The following SLC9A2 variants were observed in gnomAD, a reference collection of about 807,000 sequenced individuals.
SLC9A2 encodes the protein solute carrier family 9 member A2.
Under a neutral mutation model 71.7 loss-of-function variants are expected in SLC9A2, and 42 were observed. That is an observed-to-expected ratio of 0.59 (90% CI 0.46 to 0.76). The LOEUF is 0.76. SLC9A2 is among the 30% of genes least tolerant of loss of function. The pLI, the probability that SLC9A2 is intolerant of heterozygous loss-of-function variation, is 0.00. For missense variants in SLC9A2, 829 were observed against 1,017.4 expected, an observed-to-expected ratio of 0.81 and a Z score of 2.52; for synonymous variants, 396 against 392.5, an observed-to-expected ratio of 1.01 and a Z score of -0.10.
intron 1 of SLC9A2, among the ~76,000 whole-genome samples, chr2:102,637,581 C>G (rs886236624): frequency 1.3e-5 from 2 of 152,112 alleles, no homozygotes; most frequent in East Asian, 3.9e-4. Context: ...GATTCAGCTG[C>G]CTCCAGTGAA....
rs1676188028 is a variant in SLC9A2 at position 102,623,676 on chromosome 2, C to T, written c.289+3539C>T. 3.3e-5 allele frequency among the ~76,000 whole-genome samples: 5 copies of T among 152,152 alleles called. No homozygotes were observed. In the South Asian group the frequency reaches 1.0e-3, roughly 32 times the overall value. ...TTGAGCTGTGCAGGTGGATATGATA[C>T]TGTGGGGTAATGCAAATGCTAACCC... On this transcript the variant is annotated intron_variant, in intron 1 of 11. Coordinates refer to ENST00000233969, the MANE Select transcript of SLC9A2 (RefSeq NM_003048.6).
intron 3 of SLC9A2, among the ~76,000 whole-genome samples, chr2:102,674,838 C>G (rs554241275): frequency 6.6e-5 from 10 of 152,246 alleles, no homozygotes; most frequent in Admixed American, 2.0e-4. Flanking sequence ...ACTTTGTGTC[C>G]CTTCATGAGA....
intron 5 of SLC9A2, among the ~76,000 whole-genome samples, chr2:102,693,903 G>T (rs1677707000): frequency 2.0e-5 from 3 of 152,166 alleles, no homozygotes; most frequent in Admixed American, 6.5e-5. Flanking sequence ...AGGAGTCATT[G>T]ATAAGTTTTC....
intron 1 of SLC9A2, among the ~76,000 whole-genome samples, chr2:102,639,903 G>A (rs748741143): frequency 2.0e-5 from 3 of 152,214 alleles, no homozygotes; most frequent in Non-Finnish European, 4.4e-5. Context: ...ATGACCGGTA[G>A]TAATAAAAGC....
At chr2:102,676,671 T>C (rs949907690) in intron 3 of SLC9A2, among the ~76,000 whole-genome samples, 4 of 152,254 alleles carry the variant, frequency 2.6e-5, no homozygotes, top group Admixed American at 6.5e-5. Context: ...TCAGGTTTTC[T>C]GGAAGAAGCA....
chr2:102,648,467 C>T (rs1210283752), intron 1 of SLC9A2, among the ~76,000 whole-genome samples: 1 of 152,134 alleles, frequency 6.6e-6, no homozygotes, highest in Non-Finnish European at 1.5e-5. Flanking sequence ...CACTCCCATT[C>T]AACATAGAAT....
At chr2:102,706,575 A>C (rs577954724) in intron 11 of SLC9A2, among the ~76,000 whole-genome samples, 1 of 152,294 alleles carries the variant, frequency 6.6e-6, no homozygotes, top group East Asian at 1.9e-4. Context: ...AAAGTATAAT[A>C]ATAATTTAAA....
At chr2:102,665,909 C>T (rs544346783) in intron 3 of SLC9A2, among the ~76,000 whole-genome samples, 8 of 150,068 alleles carry the variant, frequency 5.3e-5, no homozygotes, top group African/African-American at 1.5e-4. Context: ...TCTTCTGGGT[C>T]TCATGAAATA....
At position 102,657,928 on chromosome 2, in the gene SLC9A2, T is replaced by C. The variant is rs1311762066; in HGVS notation, c.654T>C (p.Asp218=). Residue 218 remains aspartate (D), a synonymous_variant, in exon 2 of 12, where the codon GAT becomes GAC. Coordinates refer to ENST00000233969, the MANE Select transcript of SLC9A2 (RefSeq NM_003048.6). ...LLFGSLISAV[D]PVAVLAVFEN... ...TTGGCAGCTTAATCTCAGCTGTCGATCCTGTGGCTGTGCTTGCTGTCTTTG... is the reference window on the plus strand; with the variant it reads ...TTGGCAGCTTAATCTCAGCTGTCGACCCTGTGGCTGTGCTTGCTGTCTTTG... 6.2e-7 allele frequency: 1 copy of C among 1,614,108 alleles called. No individual in the cohort carries two copies. Among genetic ancestry groups the C allele is most frequent in the Admixed American group, 1.7e-5 (1 of 60,008 alleles).
intron 1 of SLC9A2, among the ~76,000 whole-genome samples, chr2:102,625,831 T>C (rs1676236673): frequency 6.6e-6 from 1 of 152,230 alleles, no homozygotes; most frequent in Non-Finnish European, 1.5e-5. Context: ...TTTGGGTATA[T>C]ACCCAGTAAT....
intron 4 of SLC9A2, 50 bp from the exon 5 acceptor site, chr2:102,684,084 T>C (rs187853968): frequency 3.0e-6 from 4 of 1,340,246 alleles, no homozygotes; most frequent in Non-Finnish European, 4.3e-6. Flanking sequence ...TGTATTTTCA[T>C]ATTTTGGCCT....
intron 5 of SLC9A2, 143 bp downstream of exon 5, chr2:102,684,479 C>A: frequency 1.3e-6 from 1 of 789,120 alleles, no homozygotes; most frequent in Non-Finnish European, 2.1e-6. Flanking sequence ...TGTCTGGGTT[C>A]ATGTCACTAG....
At chr2:102,694,264 T>A in intron 5 of SLC9A2, 150 bp from the exon 6 acceptor site, 1 of 249,104 alleles carries the variant, frequency 4.0e-6, no homozygotes, top group Non-Finnish European at 7.8e-6. Context: ...TAGCCAAATA[T>A]CTTTTGTCAT....
At chr2:102,688,059 C>G (rs1049793119) in intron 5 of SLC9A2, among the ~76,000 whole-genome samples, 1 of 152,054 alleles carries the variant, frequency 6.6e-6, no homozygotes, top group African/African-American at 2.4e-5. Context: ...GGATTACAAG[C>G]GCGAGCACCA....
In SLC9A2 at chr2:102,620,006, C is replaced by T. The variant is rs201535448; in HGVS notation, c.158C>T (p.Ala53Val). ...MGTSSSPPSP[A>V]SVVAPGTTLF... ...ACCAGTTCCAGCCCGCCTAGCCCTG[C>T]GAGCGTGGTGGCTCCCGGAACGACG... The change falls in exon 1 of 12, where the codon GCG becomes GTG. Residue 53 changes from alanine to valine, a missense_variant. By Grantham distance (64) the Ala-to-Val change is moderately conservative (BLOSUM62 0). Around this residue, in one of 3 missense-constraint regions of SLC9A2, gnomAD observed 106 missense variants for 93.5 expected, o/e 1.13. Coordinates refer to ENST00000233969, the MANE Select transcript of SLC9A2 (RefSeq NM_003048.6). 211 of 1,613,910 alleles carry T rather than the reference C, an allele frequency of 1.3e-4. No homozygotes were observed. The highest frequency in any genetic ancestry group is 1.7e-4 in the Non-Finnish European group (204 of 1,179,986).
intron 5 of SLC9A2, among the ~76,000 whole-genome samples, chr2:102,685,721 A>G (rs928393268): frequency 1.0e-4 from 14 of 139,996 alleles, no homozygotes; most frequent in Non-Finnish European, 1.4e-4. Flanking sequence ...AAGTCTGTGC[A>G]TGGCAGAGGT....
intron 7 of SLC9A2, among the ~76,000 whole-genome samples, chr2:102,696,284 T>C (rs557012164): frequency 6.6e-6 from 1 of 152,324 alleles, no homozygotes; most frequent in South Asian, 2.1e-4. Flanking sequence ...GGCGAGACTT[T>C]GGAAGGCAGC....
At chr2:102,704,167 A>G (rs2104556185) in intron 9 of SLC9A2, among the ~76,000 whole-genome samples, 1 of 152,270 alleles carries the variant, frequency 6.6e-6, no homozygotes, top group African/African-American at 2.4e-5. Flanking sequence ...ACTTTTATTA[A>G]AGGATGAACT....
Position 102,619,914 on chromosome 2 carries a change from C to T in SLC9A2, c.66C>T (p.Leu22=), listed in dbSNP as rs765088988. 3.7e-6 allele frequency: 6 copies of T among 1,600,456 alleles called. No homozygotes were observed. In the East Asian group the frequency reaches 6.8e-5, roughly 18 times the overall value. ...TGCCTCCGATGCTGTTGCTGCTGCT[C>T]CTGCAGGTGGCGGGGCCCGTGGGCG... ...APLPPMLLLL[L]LQVAGPVGAL... The change falls in exon 1 of 12, where the codon CTC becomes CTT. Residue 22 remains leucine, a synonymous_variant. Transcript: ENST00000233969. The surrounding 1 kb of genome is among the most constrained non-coding windows in gnomAD (Gnocchi z 4.3).
Sources: allele counts gnomAD v4.1 joint callset (sites outside exome capture counted in the v4.1 genomes callset), GRCh38; gene constraint gnomAD v4.1.1; regional missense constraint gnomAD v4.1.1; non-coding constraint Gnocchi (gnomAD v3.1); transcripts MANE v1.5; gene names NCBI Gene and HGNC (gene_info 2026-07-23, HGNC 2026-07-21).